The following AFF2 variants were observed in gnomAD, a reference collection of about 807,000 sequenced individuals.
AFF2 encodes AF4/FMR2 family member 2.
AFF2 carries 14 observed loss-of-function variants against 76.9 expected under a neutral mutation model. That is an observed-to-expected ratio of 0.18 (90% CI 0.12 to 0.28). The LOEUF (loss-of-function observed/expected upper bound fraction) is 0.28. Among genes scored for constraint, AFF2 ranks in the 10% least tolerant of loss-of-function variants. The pLI is 1.00. For synonymous variants in AFF2, 398 were observed against 366.7 expected (o/e 1.09, Z -0.98); for missense variants, 868 against 1,001.1 (o/e 0.87, Z 1.79).
intron 1 of AFF2, among the ~76,000 whole-genome samples, chrX:148,550,619 A>G (rs1049563797): frequency 1.8e-5 from 2 of 111,802 alleles, no homozygotes. Flanking sequence ...AGTGATAAGC[A>G]TTCAGTAGAA....
At chrX:148,502,964 TTCTTA>T (rs1250891554) in intron 1 of AFF2, among the ~76,000 whole-genome samples, 1 of 112,944 alleles carries the variant, frequency 8.9e-6, no homozygotes, top group Non-Finnish European at 1.9e-5. Context: ...GGCTTTCTTT[TTCTTA>T]TCTTAAGGAA....
intron 2 of AFF2, among the ~76,000 whole-genome samples, chrX:148,659,547 T>G (rs1247090324): frequency 8.9e-6 from 1 of 112,422 alleles, no homozygotes; most frequent in Non-Finnish European, 1.9e-5. Flanking sequence ...GAAATGGTGT[T>G]GTTTTCCCTT....
chrX:148,954,178 C>T (rs782021684), intron 10 of AFF2, among the ~76,000 whole-genome samples: 24 of 112,400 alleles, frequency 2.1e-4, no homozygotes, highest in Non-Finnish European at 3.6e-4. Flanking sequence ...CTTTCCTTAA[C>T]GGTAAAATGA....
intron 3 of AFF2, among the ~76,000 whole-genome samples, chrX:148,748,224 A>G (rs1040881483): frequency 8.9e-6 from 1 of 112,428 alleles, no homozygotes; most frequent in Admixed American, 9.4e-5. Context: ...TTCTCACTTT[A>G]CACTGAGAGG....
At chrX:148,543,355 G>A (rs2052882339) in intron 1 of AFF2, among the ~76,000 whole-genome samples, 1 of 111,825 alleles carries the variant, frequency 8.9e-6, no homozygotes, top group East Asian at 2.8e-4. Flanking sequence ...AAAAGAAGAA[G>A]GGAACTGATC....
At chrX:148,965,577 GCTTTGATGA>G (rs1174098376) in intron 13 of AFF2, among the ~76,000 whole-genome samples, 4 of 111,436 alleles carry the variant, frequency 3.6e-5, no homozygotes, top group Non-Finnish European at 7.5e-5. Context: ...GAGAAATTCA[GCTTTGATGA>G]CAGGGAAGAC....
At chrX:148,936,953 A>G (rs1395572544) in intron 9 of AFF2, among the ~76,000 whole-genome samples, 3 of 112,161 alleles carry the variant, frequency 2.7e-5, no homozygotes, top group African/African-American at 9.7e-5. Flanking sequence ...ACTCAGGTTA[A>G]TATGTGACAT....
chrX:148,669,774 T>C (rs1269059724), intron 3 of AFF2, among the ~76,000 whole-genome samples: 2 of 111,388 alleles, frequency 1.8e-5, no homozygotes, highest in African/African-American at 6.5e-5. Flanking sequence ...ATATCACCAG[T>C]TTATTTTTTT....
At position 148,702,926 on chromosome X, in the gene AFF2, A is replaced by G. The variant is rs782658133; in HGVS notation, c.1041+40158A>G. ...CGGGTAAACAAGCCCCTCTAGACTCACTTGGAAAAGCGAACAAGTTCATTG... is the reference window on the plus strand; with the variant it reads ...CGGGTAAACAAGCCCCTCTAGACTCGCTTGGAAAAGCGAACAAGTTCATTG... On this transcript the variant is annotated intron_variant, in intron 3 of 20. Coordinates refer to ENST00000370460, the MANE Select transcript of AFF2 (RefSeq NM_002025.4). Among the ~76,000 whole-genome samples the G allele has an allele frequency of 4.5e-5, 5 of 112,048 alleles. No homozygotes were observed. In the South Asian group the frequency reaches 1.9e-3, roughly 42 times the overall value.
chrX:148,529,568 G>A (rs961238223), intron 1 of AFF2, among the ~76,000 whole-genome samples: 3 of 111,879 alleles, frequency 2.7e-5, no homozygotes, highest in Non-Finnish European at 5.6e-5. Context: ...GTGATAAATT[G>A]GATGCGTGTT....
At chrX:148,955,451 G>A in intron 10 of AFF2, 152 bp from the exon 11 acceptor site, 1 of 536,414 alleles carries the variant, frequency 1.9e-6, no homozygotes, top group Non-Finnish European at 3.0e-6. Context: ...TAGTGGGTAT[G>A]TGCAGGTGTG....
intron 1 of AFF2, among the ~76,000 whole-genome samples, chrX:148,600,291 A>T (rs1402630072): frequency 9.0e-6 from 1 of 111,547 alleles, no homozygotes; most frequent in Non-Finnish European, 1.9e-5. Flanking sequence ...TGGCCCAAAC[A>T]AGTAGGAGGA....
rs782151701 is a variant in AFF2 at position 148,671,156 on chromosome X, TA to T, written c.1041+8391del. On this transcript the variant is annotated intron_variant, in intron 3 of 20. Transcript: ENST00000370460. The stretch of plus-strand genomic sequence containing the variant: ...CATCTTTCTTGGTGCACTTTGCTTT[TA>T]AAGCCTTTGTCATTGTTTAACACTT... Among the ~76,000 whole-genome samples the T allele has an allele frequency of 4.5e-5, 5 of 112,052 alleles. No homozygotes were observed. In the East Asian group the frequency reaches 1.4e-3, roughly 31 times the overall value.
chrX:148,991,514 G>A lies in AFF2; in HGVS notation c.*182G>A. 2.1e-6 allele frequency: 1 copy of A among 469,022 alleles called. No homozygotes were observed. The highest frequency in any genetic ancestry group is 3.2e-6 in the Non-Finnish European group (1 of 316,094). 38.7% of individuals were successfully genotyped at this position (469,022 alleles called of 1,213,427 possible). ...AAGTTGACACTACAACTTAAGGGCAGTGTACGTTTTATTACTTAGTCATTT... is the reference window on the plus strand; with the variant it reads ...AAGTTGACACTACAACTTAAGGGCAATGTACGTTTTATTACTTAGTCATTT... On this transcript the variant is annotated 3_prime_UTR_variant, in exon 21 of 21. Coordinates refer to ENST00000370460, the MANE Select transcript of AFF2 (RefSeq NM_002025.4).
intron 3 of AFF2, among the ~76,000 whole-genome samples, chrX:148,800,474 A>G (rs1207838538): frequency 3.6e-5 from 4 of 112,424 alleles, no homozygotes; most frequent in Non-Finnish European, 7.5e-5. Flanking sequence ...GTTTTCAAAA[A>G]GACGTTTAAA....
At chrX:148,599,978 T>G (rs1413903790) in intron 1 of AFF2, among the ~76,000 whole-genome samples, 1 of 112,164 alleles carries the variant, frequency 8.9e-6, no homozygotes, top group African/African-American at 3.2e-5. Context: ...TCTCCTTCAA[T>G]AAAACATAAC....
At position 148,681,610 on chromosome X, in the gene AFF2, GAAGAAAGAAAGA is replaced by G. The variant is rs370085084; in HGVS notation, c.1041+18855_1041+18866del. 8.4e-5 allele frequency among the ~76,000 whole-genome samples: 8 copies of G among 95,621 alleles called. No homozygotes were observed. In the East Asian group the frequency reaches 2.5e-3, roughly 30 times the overall value. The allele number at this position is 95,621 out of a possible 115,157, so 83.0% of individuals were successfully genotyped here. On this transcript the variant is annotated intron_variant, in intron 3 of 20. Transcript: ENST00000370460. ...AGAGAGAGAGAATGAAGAAAGGAAA[GAAGAAAGAAAGA>G]AAGAAAGAAAGAGAAGAGAAAAAGA...
chrX:148,541,470 A>G (rs1332122069), intron 1 of AFF2, among the ~76,000 whole-genome samples: 2 of 111,500 alleles, frequency 1.8e-5, no homozygotes, highest in Admixed American at 1.9e-4. Context: ...TAATGAAGCC[A>G]TTAGCTGAGC....
intron 5 of AFF2, among the ~76,000 whole-genome samples, chrX:148,839,217 T>G (rs1381147516): frequency 8.9e-6 from 1 of 112,378 alleles, no homozygotes; most frequent in African/African-American, 3.2e-5. Flanking sequence ...TTCTGCCAAT[T>G]ATCTGTGCTA....
Sources: gnomAD v4.1 joint callset for allele counts (sites outside exome capture counted in the v4.1 genomes callset) on GRCh38, gnomAD v4.1.1 for gene constraint, MANE v1.5 for transcripts, NCBI Gene and HGNC (gene_info 2026-07-23, HGNC 2026-07-21) for gene names.